The following ZNF223 variants were observed in gnomAD, a reference collection of about 807,000 sequenced individuals.
The protein encoded by ZNF223 is zinc finger protein 223.
Under a neutral mutation model 12.3 loss-of-function variants are expected in ZNF223, and 9 were observed. The observed-to-expected ratio is 0.73, with a 90% CI of 0.44 to 1.28. The LOEUF is 1.28. Among genes scored for constraint, ZNF223 ranks in the 50% most tolerant of loss-of-function variants. ZNF223 has a pLI of 0.00. For synonymous variants in ZNF223, 171 were observed against 195.2 expected (o/e 0.88, Z 1.03); for missense variants, 506 against 579.0 (o/e 0.87, Z 1.29).
intron 2 of ZNF223, among the ~76,000 whole-genome samples, chr19:44,059,687 A>T (rs1976811689): frequency 6.6e-6 from 1 of 152,184 alleles, no homozygotes; most frequent in Non-Finnish European, 1.5e-5. Context: ...TCCTGAGGCT[A>T]CTACCATTGT....
Position 44,055,155 on chromosome 19 carries a change from AT to A in ZNF223, c.-20del. On this transcript the variant is annotated 5_prime_UTR_variant, in exon 2 of 5. It introduces an in-frame stop codon into an upstream open reading frame of the 5' UTR. Coordinates refer to ENST00000434772, the MANE Select transcript of ZNF223 (RefSeq NM_013361.6). ...AACTGTGTCATTCAGGACTCTGCAA[AT>A]TCCCTAAAGTAGGAGGAAAAATGAC... 6.2e-7 allele frequency: 1 copy of A among 1,612,944 alleles called. No individual in the cohort carries two copies. The highest frequency in any genetic ancestry group is 8.5e-7 in the Non-Finnish European group (1 of 1,179,302).
In ZNF223 at chr19:44,067,543, C is replaced by T. The variant is rs187627728; in HGVS notation, c.*266C>T. ...CCAACCTTTGGCCATCCCACCTATC[C>T]CTTACCCTTCCCTGCCTCTAGAGCC... On this transcript the variant is annotated 3_prime_UTR_variant, in exon 5 of 5. Coordinates refer to ENST00000434772, the MANE Select transcript of ZNF223 (RefSeq NM_013361.6). 1.2e-4 allele frequency: 57 copies of T among 478,136 alleles called. No homozygotes were observed. The highest frequency in any genetic ancestry group is 1.9e-4 in the Non-Finnish European group (47 of 252,214). The allele number at this position is 478,136 out of a possible 1,614,324, so 29.6% of individuals were successfully genotyped here. A position where few individuals can be genotyped will look rare whatever the true frequency, so the allele number is the denominator to read the frequency against.
At chr19:44,057,193 A>G (rs1053232953) in intron 2 of ZNF223, among the ~76,000 whole-genome samples, 3 of 152,194 alleles carry the variant, frequency 2.0e-5, no homozygotes, top group Non-Finnish European at 4.4e-5. Context: ...CTTGGCTATC[A>G]TAAGGAGAAT....
chr19:44,051,898 T>C (rs549747343), upstream of ZNF223: 2 of 152,274 alleles, frequency 1.3e-5, no homozygotes, highest in Admixed American at 6.5e-5. Flanking sequence ...CTCTGGCAGG[T>C]GAACCGTTGA....
Position 44,060,478 on chromosome 19 carries a change from G to C in ZNF223, c.39G>C (p.Val13=). The C allele has an allele frequency of 6.2e-7, 1 of 1,614,140 alleles. No homozygotes were observed. Among genetic ancestry groups the C allele is most frequent in the South Asian group, 1.1e-5 (1 of 91,078 alleles). ...MSKEAVTFKD[V]AVVFTEEELG... ...AGGAGGCAGTGACCTTCAAGGATGTGGCAGTGGTCTTCACTGAGGAGGAGC... is the reference window on the plus strand; with the variant it reads ...AGGAGGCAGTGACCTTCAAGGATGTCGCAGTGGTCTTCACTGAGGAGGAGC... Residue 13 remains valine, a synonymous_variant, in exon 3 of 5, where the codon GTG becomes GTC. Coordinates refer to ENST00000434772, the MANE Select transcript of ZNF223 (RefSeq NM_013361.6).
At chr19:44,051,946 C>G (rs1398983546), upstream of ZNF223, 3 of 152,248 alleles carry the variant, frequency 2.0e-5, no homozygotes, top group African/African-American at 7.2e-5. Context: ...TGCGGAGTCC[C>G]GGGCCCTTTG....
chr19:44,065,577 C>CTTTTTTT (rs758805971), intron 4 of ZNF223, among the ~76,000 whole-genome samples: 1 of 113,776 alleles, frequency 8.8e-6, no homozygotes, highest in African/African-American at 3.1e-5. Flanking sequence ...TCTTTCTTTT[C>CTTTTTTT]TTTTTTTTTT....
At chr19:44,054,969 G>T in intron 1 of ZNF223, 140 bp from the exon 2 acceptor site, 1 of 476,028 alleles carries the variant, frequency 2.1e-6, no homozygotes, top group South Asian at 4.9e-5. Flanking sequence ...GAGCTTTTTG[G>T]TTGTGTGCAA....
rs531306579 is a variant in ZNF223 at position 44,067,774 on chromosome 19, C to T, written c.*497C>T. The stretch of plus-strand genomic sequence containing the variant: ...GTCTTAGTATAAGAGTTTGTTCACA[C>T]ACTTTCAAAACACTAATGATGAACA... On this transcript the variant is annotated 3_prime_UTR_variant, in exon 5 of 5. Transcript: ENST00000434772. 4.2e-6 allele frequency: 1 copy of T among 236,190 alleles called. No individual in the cohort carries two copies. The highest frequency in any genetic ancestry group is 1.0e-4 in the East Asian group (1 of 9,810). The allele number at this position is 236,190 out of a possible 1,614,324, so 14.6% of individuals were successfully genotyped here. A position where few individuals can be genotyped will look rare whatever the true frequency, so the allele number is the denominator to read the frequency against.
chr19:44,063,455 C>G (rs7248068), intron 4 of ZNF223: 34,047 of 152,338 alleles, frequency 0.22, 3,916 homozygotes, highest in Admixed American at 0.27. Flanking sequence ...AGTGGAGCAT[C>G]AGGGTAGCAG....
chr19:44,060,208 A>T (rs938076100), intron 2 of ZNF223, among the ~76,000 whole-genome samples: 2 of 152,190 alleles, frequency 1.3e-5, no homozygotes, highest in Non-Finnish European at 2.9e-5. Flanking sequence ...ACATACAAGT[A>T]AACTCAATGA....
At chr19:44,064,298 T>G (rs73558222) in intron 4 of ZNF223, among the ~76,000 whole-genome samples, 1 of 152,180 alleles carries the variant, frequency 6.6e-6, no homozygotes, top group Non-Finnish European at 1.5e-5. Context: ...ATAGGCTTTC[T>G]TTTCATTCCA....
intron 4 of ZNF223, among the ~76,000 whole-genome samples, chr19:44,062,827 C>T (rs753411639): frequency 6.6e-6 from 1 of 152,244 alleles, no homozygotes; most frequent in South Asian, 2.1e-4. Context: ...AGTCGGCCCA[C>T]ACTTCACTGC....
rs1251518481 is a variant in ZNF223 at position 44,060,550 on chromosome 19, G to C, written c.111G>C (p.Met37Ile). The stretch of plus-strand genomic sequence containing the variant: ...AGAGGAAGCTGTATCGAGATGTGAT[G>C]CTGGAGAACTTCAGGAACCTGCTGT... Reference protein sequence around the residue: ...LAQRKLYRDVMLENFRNLLSV... With the variant: ...LAQRKLYRDVILENFRNLLSV... The change falls in exon 3 of 5, where the codon ATG becomes ATC. Residue 37 changes from methionine (M) to isoleucine (I), a missense_variant. By Grantham distance (10) the Met-to-Ile change is conservative. Coordinates refer to ENST00000434772, the MANE Select transcript of ZNF223 (RefSeq NM_013361.6). 1 of 1,614,136 alleles carries C rather than the reference G, an allele frequency of 6.2e-7. No homozygotes were observed. The highest frequency in any genetic ancestry group is 1.1e-5 in the South Asian group (1 of 91,084).
At chr19:44,058,459 T>G (rs992002100) in intron 2 of ZNF223, among the ~76,000 whole-genome samples, 19 of 152,168 alleles carry the variant, frequency 1.2e-4, no homozygotes, top group African/African-American at 4.1e-4. Context: ...AGCCAGACCT[T>G]CCTGAAGTAG....
chr19:44,058,166 T>A (rs1976793038), intron 2 of ZNF223, among the ~76,000 whole-genome samples: 1 of 152,154 alleles, frequency 6.6e-6, no homozygotes, highest in East Asian at 1.9e-4. Flanking sequence ...CCCCATAATA[T>A]TGCATTCTTA....
chr19:44,067,031 C>T lies in ZNF223; in HGVS notation c.1203C>T (p.Asn401=). 1 of 1,613,016 alleles carries T rather than the reference C, an allele frequency of 6.2e-7. No homozygotes were observed. The highest frequency in any genetic ancestry group is 8.5e-7 in the Non-Finnish European group (1 of 1,179,160). The change falls in exon 5 of 5, where the codon AAC becomes AAT. Residue 401 remains asparagine, a synonymous_variant. Transcript: ENST00000434772. ...CCCACACAGGAGAGAGACCTTATAA[C>T]TGTGATGACTGTGGGAAGAGCTTTA... is the stretch of plus-strand genomic sequence containing the variant. ...HRAHTGERPY[N]CDDCGKSFRQ... is the part of the protein sequence containing the mutation.
chr19:44,055,701 G>A (rs1976755035), intron 2 of ZNF223, among the ~76,000 whole-genome samples: 1 of 152,000 alleles, frequency 6.6e-6, no homozygotes, highest in African/African-American at 2.4e-5. Context: ...ACCGGGAGGC[G>A]GAGGTTGCAG....
At position 44,066,536 on chromosome 19, in the gene ZNF223, A is replaced by G. The variant is rs1177275215; in HGVS notation, c.708A>G (p.Gln236=). 3 of 1,614,208 alleles carry G rather than the reference A, an allele frequency of 1.9e-6. No homozygotes were observed. The highest frequency in any genetic ancestry group is 1.6e-4 in the Middle Eastern group (1 of 6,062). Residue 236 remains glutamine (Q), a synonymous_variant, in exon 5 of 5, where the codon CAA becomes CAG. Transcript: ENST00000434772. ...HTGEKPFKCE[Q]CGRGFRCRSA... ...GAGAGAAACCTTTCAAATGTGAACAATGTGGGAGAGGCTTCAGATGTAGAT... is the reference window on the plus strand; with the variant it reads ...GAGAGAAACCTTTCAAATGTGAACAGTGTGGGAGAGGCTTCAGATGTAGAT...
Sources: allele counts gnomAD v4.1 joint callset (sites outside exome capture counted in the v4.1 genomes callset), GRCh38; gene constraint gnomAD v4.1.1; transcripts MANE v1.5; gene names NCBI Gene and HGNC (gene_info 2026-07-23, HGNC 2026-07-21).